The following DCLK1 variants were observed in gnomAD, a reference collection of about 807,000 sequenced individuals.
The protein encoded by DCLK1 is serine/threonine-protein kinase DCLK1.
Under a neutral mutation model 86.2 loss-of-function variants are expected in DCLK1, and 16 were observed. The observed-to-expected ratio is 0.19, with a 90% CI of 0.13 to 0.28. DCLK1 has a LOEUF of 0.28. Among genes scored for constraint, DCLK1 ranks in the 10% least tolerant of loss-of-function variants. The probability of loss-of-function intolerance (pLI) is 1.00; values close to 1 mark genes in which losing one functional copy is unlikely to be tolerated. For synonymous variants in DCLK1, 369 were observed against 370.5 expected, an observed-to-expected ratio of 1.00 and a Z score of 0.05; for missense variants, 590 against 940.2, an observed-to-expected ratio of 0.63 and a Z score of 4.87.
Position 35,809,108 on chromosome 13 carries a change from G to C in DCLK1, c.1689-13C>G. The C allele has an allele frequency of 6.2e-7, 1 of 1,608,736 alleles. No homozygotes were observed. Among genetic ancestry groups the C allele is most frequent in the Non-Finnish European group, 8.5e-7 (1 of 1,176,236 alleles). On this transcript the variant is annotated splice_polypyrimidine_tract_variant and intron_variant, in intron 12 of 16. Coordinates refer to ENST00000360631, the MANE Select transcript of DCLK1 (RefSeq NM_001330071.2). Reference sequence around the variant, plus strand: ...CTTGAGGCCGTATCTGGAAAAATAAGGGATGTTAGAGTTAGGAGGGTCAGG... The same window carrying C: ...CTTGAGGCCGTATCTGGAAAAATAACGGATGTTAGAGTTAGGAGGGTCAGG...
At chr13:36,031,768 T>C (rs561001644) in intron 3 of DCLK1, among the ~76,000 whole-genome samples, 2 of 152,320 alleles carry the variant, frequency 1.3e-5, no homozygotes, top group African/African-American at 4.8e-5. Context: ...TTGTTGTGGT[T>C]GTTGTTGAAA....
At chr13:36,018,979 G>C (rs1017089465) in intron 3 of DCLK1, among the ~76,000 whole-genome samples, 1 of 152,060 alleles carries the variant, frequency 6.6e-6, no homozygotes, top group Non-Finnish European at 1.5e-5. Flanking sequence ...AAATATTATA[G>C]ACCCAATTGC....
chr13:36,092,556 G>A (rs1401568105), intron 3 of DCLK1, among the ~76,000 whole-genome samples: 9 of 137,604 alleles, frequency 6.5e-5, no homozygotes, highest in African/African-American at 1.9e-4. Flanking sequence ...GCGGGATCTC[G>A]GCTCACTGCA....
intron 3 of DCLK1, among the ~76,000 whole-genome samples, chr13:35,973,873 A>G (rs1879189615): frequency 6.6e-6 from 1 of 152,150 alleles, no homozygotes; most frequent in South Asian, 2.1e-4. Flanking sequence ...AGGAGTGAGG[A>G]TGAACCTGGA....
intron 4 of DCLK1, among the ~76,000 whole-genome samples, chr13:35,938,873 A>C (rs1876919972): frequency 6.6e-6 from 1 of 152,150 alleles, no homozygotes; most frequent in Admixed American, 6.5e-5. Flanking sequence ...TGAATACAAT[A>C]AAAAGGAAGG....
intron 3 of DCLK1, among the ~76,000 whole-genome samples, chr13:35,973,107 G>A (rs1002951119): frequency 1.3e-5 from 2 of 152,170 alleles, no homozygotes; most frequent in Non-Finnish European, 2.9e-5. Context: ...TGGCAGGTGA[G>A]GGTGGGGCTA....
chr13:36,037,832 T>C (rs1429755272), intron 3 of DCLK1, among the ~76,000 whole-genome samples: 2 of 152,262 alleles, frequency 1.3e-5, no homozygotes, highest in East Asian at 1.9e-4. Flanking sequence ...AATTATCACA[T>C]GTATGTGATA....
At chr13:35,920,746 G>A (rs1875750109) in intron 4 of DCLK1, among the ~76,000 whole-genome samples, 4 of 152,064 alleles carry the variant, frequency 2.6e-5, no homozygotes, top group Admixed American at 2.0e-4. Flanking sequence ...GGTGCCGGGA[G>A]GAGGGACACC....
intron 3 of DCLK1, among the ~76,000 whole-genome samples, chr13:35,952,810 A>T (rs917493566): frequency 6.6e-6 from 1 of 152,286 alleles, no homozygotes; most frequent in Non-Finnish European, 1.5e-5. Flanking sequence ...TTATTGCATG[A>T]GACTCTATGT....
At chr13:36,054,300 G>A (rs550564503) in intron 3 of DCLK1, among the ~76,000 whole-genome samples, 1 of 152,246 alleles carries the variant, frequency 6.6e-6, no homozygotes, top group Admixed American at 6.5e-5. Flanking sequence ...GACTCATGGG[G>A]AAAACCAGTA....
intron 3 of DCLK1, among the ~76,000 whole-genome samples, chr13:35,959,554 G>A (rs759873450): frequency 1.3e-5 from 2 of 149,312 alleles, no homozygotes; most frequent in Non-Finnish European, 2.9e-5. Context: ...GAAAGCCCCT[G>A]ATTTTTAAAA....
chr13:35,847,623 A>AAATGAAAGAAAGAAAGAAAG, intron 6 of DCLK1: 1 of 649,870 alleles, frequency 1.5e-6, no homozygotes, highest in South Asian at 6.8e-5. Flanking sequence ...TTAAGCAAAA[A>AAATGAAAGAAAGAAAGAAAG]AAAGAAAGAA....
chr13:35,934,297 T>C (rs1363335438), intron 4 of DCLK1, among the ~76,000 whole-genome samples: 1 of 152,228 alleles, frequency 6.6e-6, no homozygotes. Context: ...CATTTTTGGG[T>C]ATCTTCTTAG....
At chr13:36,021,694 A>T (rs1881788673) in intron 3 of DCLK1, among the ~76,000 whole-genome samples, 1 of 152,138 alleles carries the variant, frequency 6.6e-6, no homozygotes, top group Admixed American at 6.5e-5. Flanking sequence ...CATCAAGAAG[A>T]TACGGTAATT....
At chr13:35,917,829 G>A (rs1363207813) in intron 4 of DCLK1, among the ~76,000 whole-genome samples, 1 of 147,918 alleles carries the variant, frequency 6.8e-6, no homozygotes, top group Non-Finnish European at 1.5e-5. Flanking sequence ...GGGCGGGGAG[G>A]CCTCCAGTGG....
At chr13:36,056,914 T>C (rs1397776736) in intron 3 of DCLK1, among the ~76,000 whole-genome samples, 1 of 136,154 alleles carries the variant, frequency 7.3e-6, no homozygotes, top group Non-Finnish European at 1.6e-5. Flanking sequence ...AAAATATATA[T>C]ATATATATAT....
intron 3 of DCLK1, among the ~76,000 whole-genome samples, chr13:35,987,776 T>G (rs1186618574): frequency 6.6e-6 from 1 of 152,156 alleles, no homozygotes; most frequent in East Asian, 1.9e-4. Flanking sequence ...AACACTTGCT[T>G]CTTTTCCCTC....
chr13:36,067,311 A>C (rs1883792425), intron 3 of DCLK1, among the ~76,000 whole-genome samples: 2 of 149,112 alleles, frequency 1.3e-5, no homozygotes, highest in African/African-American at 2.5e-5. Flanking sequence ...CGCAAGGACA[A>C]AAAACCAACC....
chr13:35,938,861 A>T (rs1471332024), intron 4 of DCLK1, among the ~76,000 whole-genome samples: 1 of 152,158 alleles, frequency 6.6e-6, no homozygotes, highest in Non-Finnish European at 1.5e-5. Flanking sequence ...TGTCACTGTT[A>T]CTGAATACAA....
Sources: allele counts gnomAD v4.1 joint callset (sites outside exome capture counted in the v4.1 genomes callset), GRCh38; gene constraint gnomAD v4.1.1; transcripts MANE v1.5; gene names NCBI Gene and HGNC (gene_info 2026-07-23, HGNC 2026-07-21).